Variants in ZNF845 observed in about 807,000 individuals in gnomAD.
The protein encoded by ZNF845 is zinc finger protein 845.
In ZNF845, 59 loss-of-function variants were observed where a neutral mutation model predicts 76.1. That is an observed-to-expected ratio of 0.78 (90% CI 0.63 to 0.96). The LOEUF (loss-of-function observed/expected upper bound fraction) is 0.96, where lower values mean the gene tolerates loss of function less well. ZNF845 is among the 40% of genes least tolerant of loss of function. The pLI is 0.00. For missense variants in ZNF845, 1,045 were observed against 1,172.8 expected, an observed-to-expected ratio of 0.89 and a Z score of 1.59; for synonymous variants, 361 against 386.9, an observed-to-expected ratio of 0.93 and a Z score of 0.78.
chr19:53,348,759 A>G (rs530483399), intron 3 of ZNF845, among the ~76,000 whole-genome samples: 25 of 152,166 alleles, frequency 1.6e-4, no homozygotes, highest in African/African-American at 6.0e-4. Flanking sequence ...ACTAAGGCCA[A>G]TGCTTATATA....
intron 3 of ZNF845, chr19:53,346,521 A>C: frequency 3.9e-6 from 1 of 255,492 alleles, no homozygotes; most frequent in South Asian, 3.0e-5. Context: ...TCTCTACTAA[A>C]AATACAAAAA....
At chr19:53,347,039 A>G (rs962662594) in intron 3 of ZNF845, among the ~76,000 whole-genome samples, 1 of 151,880 alleles carries the variant, frequency 6.6e-6, no homozygotes, top group Non-Finnish European at 1.5e-5. Context: ...CTGTGCCACC[A>G]TGCCTGGCTA....
chr19:53,345,421 A>G, intron 2 of ZNF845, 85 bp from the exon 3 acceptor site: 6 of 1,606,624 alleles, frequency 3.7e-6, no homozygotes, highest in Middle Eastern at 3.3e-4. Context: ...AATTAAATCC[A>G]TGCTTTCCTC....
At position 53,351,395 on chromosome 19, in the gene ZNF845, G is replaced by A. The variant is rs751815256; in HGVS notation, c.720G>A (p.Ala240=). ...LRKHQIIHLG[A]KQYKCDVCGK... is the part of the protein sequence containing the mutation. Reference sequence around the variant, plus strand: ...AACATCAGATAATCCATTTAGGAGCGAAACAATATAAATGTGATGTGTGTG... The same window carrying A: ...AACATCAGATAATCCATTTAGGAGCAAAACAATATAAATGTGATGTGTGTG... The change falls in exon 4 of 4, where the codon GCG becomes GCA. Residue 240 remains alanine, a synonymous_variant. Transcript: ENST00000458035. 51 of 1,614,076 alleles carry A rather than the reference G, an allele frequency of 3.2e-5. No homozygotes were observed. Among genetic ancestry groups the A allele is most frequent in the East Asian group, 8.9e-5 (4 of 44,896 alleles).
At chr19:53,338,859 T>C (rs892578162) in intron 1 of ZNF845, among the ~76,000 whole-genome samples, 3 of 149,004 alleles carry the variant, frequency 2.0e-5, no homozygotes, top group African/African-American at 7.6e-5. Context: ...GGCAGGCAGA[T>C]GATGAAGTCA....
intron 3 of ZNF845, among the ~76,000 whole-genome samples, chr19:53,347,176 G>A (rs1208625430): frequency 9.2e-5 from 14 of 152,086 alleles, no homozygotes; most frequent in Admixed American, 8.5e-4. Context: ...GTGAACCACC[G>A]CGCCCAGCTT....
chr19:53,335,927 G>A (rs1050111234), intron 1 of ZNF845, among the ~76,000 whole-genome samples: 1 of 152,106 alleles, frequency 6.6e-6, no homozygotes, highest in African/African-American at 2.4e-5. Context: ...AGGGACATCA[G>A]GGCGTAGTGG....
intron 1 of ZNF845, among the ~76,000 whole-genome samples, chr19:53,338,722 G>A (rs11672231): frequency 0.013 from 1,637 of 129,448 alleles, 19 homozygotes; most frequent in Middle Eastern, 0.034. Flanking sequence ...ACACACACAC[G>A]CACACACACA....
In ZNF845 at chr19:53,341,197, T is replaced by C; in HGVS notation, c.-73-38T>C. 5 of 1,499,390 alleles carry C rather than the reference T, an allele frequency of 3.3e-6. No homozygotes were observed. In the South Asian group the frequency reaches 5.7e-5, roughly 17 times the overall value. The allele number at this position is 1,499,390 out of a possible 1,614,324, so 92.9% of individuals were successfully genotyped here. A position where few individuals can be genotyped will look rare whatever the true frequency, so the allele number is the denominator to read the frequency against. ...CATTGTGTTAACGGAGGGGGTGTGT[T>C]GATTCTGAGCAATAAACAACATATT... On this transcript the variant is annotated intron_variant, in intron 1 of 3. Transcript: ENST00000458035.
chr19:53,350,385 G>A (rs2085324560), intron 3 of ZNF845, among the ~76,000 whole-genome samples: 1 of 152,148 alleles, frequency 6.6e-6, no homozygotes, highest in Non-Finnish European at 1.5e-5. Flanking sequence ...CCTTACATGA[G>A]CTTGTTGTGG....
Position 53,352,195 on chromosome 19 carries a change from A to G in ZNF845, c.1520A>G (p.Lys507Arg). The change falls in exon 4 of 4, where the codon AAA (lysine) becomes AGA (arginine). Residue 507 changes from lysine to arginine, a missense_variant. By Grantham distance (26) the Lys-to-Arg change is conservative. Coordinates refer to ENST00000458035, the MANE Select transcript of ZNF845 (RefSeq NM_138374.3). Reference protein sequence around the residue: ...CEECDEAFSFKSNLERHRIIH... With the variant: ...CEECDEAFSFRSNLERHRIIH... ...GAATGTGATGAAGCTTTCAGTTTCA[A>G]ATCAAACCTTGAAAGACATAGGATA... The G allele has an allele frequency of 1.9e-6, 3 of 1,613,978 alleles. No homozygotes were observed. Among genetic ancestry groups the G allele is most frequent in the Non-Finnish European group, 2.5e-6 (3 of 1,179,914 alleles).
intron 2 of ZNF845, among the ~76,000 whole-genome samples, chr19:53,341,612 G>A (rs534019173): frequency 7.3e-4 from 111 of 152,110 alleles, no homozygotes; most frequent in Non-Finnish European, 1.5e-3. Flanking sequence ...GGGCAGCAGG[G>A]ATTGTTCAGG....
intron 3 of ZNF845, among the ~76,000 whole-genome samples, chr19:53,347,338 G>A (rs1038798471): frequency 5.4e-5 from 8 of 148,418 alleles, no homozygotes; most frequent in African/African-American, 1.7e-4. Flanking sequence ...GTGCAGTGGC[G>A]CAGTCTTGGC....
chr19:53,341,984 G>A (rs1264794063), intron 2 of ZNF845, among the ~76,000 whole-genome samples: 2 of 152,012 alleles, frequency 1.3e-5, no homozygotes, highest in Non-Finnish European at 2.9e-5. Flanking sequence ...ACTGCGGAGA[G>A]GCTTGTGAAA....
rs954382966 is a variant in ZNF845, at chr19:53,356,856, G to C, written c.*3268G>C. 2 of 148,504 alleles carry C rather than the reference G, an allele frequency of 1.3e-5. No homozygotes were observed. The highest frequency in any genetic ancestry group is 5.0e-5 in the African/African-American group (2 of 40,344). The allele number at this position is 148,504 out of a possible 1,614,324, so 9.2% of individuals were successfully genotyped here. On this transcript the variant is annotated 3_prime_UTR_variant, in exon 4 of 4. Coordinates refer to ENST00000458035, the MANE Select transcript of ZNF845 (RefSeq NM_138374.3). ...AGGCAGGAGAATGGCGTGAACCCAG[G>C]GGGGCGGAACCTGCAGTGAGCCGAG...
chr19:53,345,667 C>T (rs1177740771), intron 3 of ZNF845, 35 bp downstream of exon 3: 3 of 1,607,168 alleles, frequency 1.9e-6, no homozygotes, highest in East Asian at 4.5e-5. Flanking sequence ...TGGGGATGTG[C>T]CCTTGTGTAT....
chr19:53,340,511 T>A (rs374467616), intron 1 of ZNF845, among the ~76,000 whole-genome samples: 8 of 152,280 alleles, frequency 5.3e-5, no homozygotes, highest in African/African-American at 1.9e-4. Flanking sequence ...TTCCCGAACT[T>A]CCGTAAACGC....
At chr19:53,341,431 C>A in intron 2 of ZNF845, 109 bp downstream of exon 2, 1 of 1,495,372 alleles carries the variant, frequency 6.7e-7, no homozygotes, top group Non-Finnish European at 9.3e-7. Context: ...GACAGGTTTG[C>A]TCGCACTCAC....
chr19:53,339,300 G>C (rs574034832), intron 1 of ZNF845, among the ~76,000 whole-genome samples: 3 of 152,096 alleles, frequency 2.0e-5, no homozygotes, highest in Non-Finnish European at 4.4e-5. Context: ...CTAATGGAGT[G>C]ACATTTAGAA....
Sources: allele counts gnomAD v4.1 joint callset (sites outside exome capture counted in the v4.1 genomes callset), GRCh38; gene constraint gnomAD v4.1.1; transcripts MANE v1.5; gene names NCBI Gene and HGNC (gene_info 2026-07-23, HGNC 2026-07-21).